SPIRE1: variants seen among roughly 807,000 people sequenced by gnomAD.
SPIRE1 encodes the protein spire type actin nucleation factor 1.
A neutral mutation model predicts 94.1 loss-of-function variants in SPIRE1; 40 were observed. The observed-to-expected ratio is 0.43, with a 90% confidence interval of 0.33 to 0.55. SPIRE1 has a LOEUF of 0.55. SPIRE1 is among the 20% of genes least tolerant of loss of function. The probability of loss-of-function intolerance (pLI) is 0.06; values close to 1 mark genes in which losing one functional copy is unlikely to be tolerated. For missense variants in SPIRE1, 838 were observed against 975.2 expected (o/e 0.86, Z 1.87); for synonymous variants, 376 against 371.7 (o/e 1.01, Z -0.13).
intron 6 of SPIRE1, among the ~76,000 whole-genome samples, chr18:12,496,764 G>A (rs1223239653): frequency 6.6e-6 from 1 of 152,178 alleles, no homozygotes; most frequent in South Asian, 2.1e-4. Flanking sequence ...AGCTACTCAG[G>A]AGGCTGAGGC....
intron 3 of SPIRE1, among the ~76,000 whole-genome samples, chr18:12,540,452 T>C (rs529869428): frequency 6.6e-6 from 1 of 152,312 alleles, no homozygotes; most frequent in African/African-American, 2.4e-5. Context: ...CTTGGCTCAC[T>C]GCAACCTCCG....
chr18:12,560,876 AAAC>A (rs2035663456), intron 2 of SPIRE1, among the ~76,000 whole-genome samples: 1 of 152,142 alleles, frequency 6.6e-6, no homozygotes, highest in Non-Finnish European at 1.5e-5. Context: ...TAAACAAACA[AAAC>A]AACAACAAAA....
chr18:12,570,385 C>G (rs964183280), intron 2 of SPIRE1, among the ~76,000 whole-genome samples: 1 of 152,102 alleles, frequency 6.6e-6, no homozygotes, highest in African/African-American at 2.4e-5. Context: ...CAGCGCCTAC[C>G]CTTTCAGTTG....
chr18:12,527,184 G>A lies in SPIRE1; in HGVS notation c.729+8292C>T, dbSNP rs374392545. On this transcript the variant is annotated intron_variant, in intron 4 of 16. Coordinates refer to ENST00000409402, the MANE Select transcript of SPIRE1 (RefSeq NM_001128626.2). ...TCCTCCACTGTTTCTTCTGTATTAAGGTTTGTAGACACCTCACTCACATCC... is the reference window on the plus strand; with the variant it reads ...TCCTCCACTGTTTCTTCTGTATTAAAGTTTGTAGACACCTCACTCACATCC... 3.0e-4 allele frequency among the ~76,000 whole-genome samples: 45 copies of A among 152,170 alleles called. 1 individual carries two copies. In the East Asian group the frequency reaches 3.7e-3, roughly 12 times the overall value.
At chr18:12,463,295 G>T in intron 12 of SPIRE1, 56 bp downstream of exon 12, 1 of 1,453,818 alleles carries the variant, frequency 6.9e-7, no homozygotes, top group South Asian at 1.6e-5. Flanking sequence ...GAAAGCTAAT[G>T]ATTCTATGTC....
intron 10 of SPIRE1, among the ~76,000 whole-genome samples, chr18:12,467,183 C>T (rs1329358681): frequency 6.6e-6 from 1 of 152,064 alleles, no homozygotes; most frequent in African/African-American, 2.4e-5. Flanking sequence ...GAGGCTGAGG[C>T]ATGAGAATCA....
At chr18:12,502,864 T>A (rs1229999023) in intron 6 of SPIRE1, among the ~76,000 whole-genome samples, 1 of 151,956 alleles carries the variant, frequency 6.6e-6, no homozygotes, top group Non-Finnish European at 1.5e-5. Flanking sequence ...TCCCAGCAGT[T>A]TGGGAGGCTG....
intron 2 of SPIRE1, among the ~76,000 whole-genome samples, chr18:12,568,613 T>A (rs1220473323): frequency 6.6e-6 from 1 of 152,240 alleles, no homozygotes; most frequent in Non-Finnish European, 1.5e-5. Flanking sequence ...ATGTGGTATA[T>A]TTCACTTGTT....
chr18:12,525,524 T>C (rs2034495827), intron 4 of SPIRE1, among the ~76,000 whole-genome samples: 1 of 151,956 alleles, frequency 6.6e-6, no homozygotes, highest in Non-Finnish European at 1.5e-5. Flanking sequence ...CTGAAATTCT[T>C]TTCTCTTGCT....
At chr18:12,595,468 C>A (rs1039153405) in intron 2 of SPIRE1, among the ~76,000 whole-genome samples, 34 of 152,192 alleles carry the variant, frequency 2.2e-4, no homozygotes, top group Non-Finnish European at 4.3e-4. Context: ...CTAACCACCA[C>A]GTTGTTCAGG....
At chr18:12,500,402 A>T (rs2033613573) in intron 6 of SPIRE1, among the ~76,000 whole-genome samples, 1 of 152,212 alleles carries the variant, frequency 6.6e-6, no homozygotes, top group South Asian at 2.1e-4. Flanking sequence ...AATCAAAACC[A>T]CAATGAGACA....
At position 12,493,197 on chromosome 18, in the gene SPIRE1, G is replaced by A; in HGVS notation, c.1064C>T (p.Ser355Leu). Reference protein sequence around the residue: ...IRSRPPLNPVSARKLKPTPPR... With the variant: ...IRSRPPLNPVLARKLKPTPPR... Reference sequence around the variant, plus strand: ...TGGAGTTGGTTTCAGTTTTCTGGCTGAGACCTTGAAAGTAAGAAAAATGGC... The same window carrying A: ...TGGAGTTGGTTTCAGTTTTCTGGCTAAGACCTTGAAAGTAAGAAAAATGGC... Residue 355 changes from serine to leucine, a missense_variant, in exon 8 of 17, where the codon TCA (serine) becomes TTA (leucine). Physicochemically the swap from Ser to Leu is moderately radical, Grantham distance 145. Coordinates refer to ENST00000409402, the MANE Select transcript of SPIRE1 (RefSeq NM_001128626.2). 6.2e-7 allele frequency: 1 copy of A among 1,609,518 alleles called. No homozygotes were observed.
chr18:12,579,188 CACACACACACAT>C (rs879750044), intron 2 of SPIRE1, among the ~76,000 whole-genome samples: 9,828 of 91,892 alleles, frequency 0.11, 449 homozygotes, highest in Non-Finnish European at 0.15. Context: ...AAAAAGTTTA[CACACACACACAT>C]ACACACACAC....
intron 2 of SPIRE1, among the ~76,000 whole-genome samples, chr18:12,630,248 G>A (rs2037739056): frequency 6.6e-6 from 1 of 152,220 alleles, no homozygotes; most frequent in East Asian, 1.9e-4. Context: ...CTGGGAGTCT[G>A]TAAGCCTTGC....
chr18:12,607,556 A>T (rs2037013539), intron 2 of SPIRE1, among the ~76,000 whole-genome samples: 1 of 151,610 alleles, frequency 6.6e-6, no homozygotes, highest in African/African-American at 2.4e-5. Flanking sequence ...AGAAAGCTAA[A>T]TGTATGTCTC....
Position 12,453,106 on chromosome 18 carries a change from G to A in SPIRE1, c.1809C>T (p.Ser603=), listed in dbSNP as rs1320724707. 7 of 1,606,194 alleles carry A rather than the reference G, an allele frequency of 4.4e-6. No homozygotes were observed. The highest frequency in any genetic ancestry group is 5.9e-6 in the Non-Finnish European group (7 of 1,177,782). ...GACAGGTATAAGACCAAGTGAAGAA[G>A]GAAAACCTCCTGGTTCGGCAACAAA... ...LCFCCRTRRF[S]FFTWSYTCQF... Residue 603 remains serine (S), a synonymous_variant, in exon 14 of 17, where the codon TCC becomes TCT. Transcript: ENST00000409402.
At chr18:12,575,121 G>A (rs1375709871) in intron 2 of SPIRE1, among the ~76,000 whole-genome samples, 1 of 152,104 alleles carries the variant, frequency 6.6e-6, no homozygotes, top group Non-Finnish European at 1.5e-5. Flanking sequence ...TAAGACCAGA[G>A]TTTTAAGCAT....
intron 2 of SPIRE1, among the ~76,000 whole-genome samples, chr18:12,568,635 T>C (rs1371198641): frequency 6.6e-6 from 1 of 152,246 alleles, no homozygotes; most frequent in Non-Finnish European, 1.5e-5. Context: ...CCTTGGATTA[T>C]GGCTAATTAT....
chr18:12,579,200 TAC>T (rs60826359), intron 2 of SPIRE1, among the ~76,000 whole-genome samples: 25,439 of 118,868 alleles, frequency 0.21, 2,388 homozygotes, highest in African/African-American at 0.28. Context: ...CACACACACA[TAC>T]ACACACACAC....
Sources: allele counts gnomAD v4.1 joint callset (sites outside exome capture counted in the v4.1 genomes callset), GRCh38; gene constraint gnomAD v4.1.1; transcripts MANE v1.5; gene names NCBI Gene and HGNC (gene_info 2026-07-23, HGNC 2026-07-21).